AXIN1: variants seen among roughly 807,000 people sequenced by gnomAD.
AXIN1 encodes axin 1, also known as axin-1.
AXIN1 carries 30 observed loss-of-function variants against 76.4 expected under a neutral mutation model. The ratio of observed to expected loss-of-function variants is 0.39; its 90% CI spans 0.29 to 0.53. The LOEUF (loss-of-function observed/expected upper bound fraction) is 0.53. Among genes scored for constraint, AXIN1 ranks in the 20% least tolerant of loss-of-function variants. The pLI is 0.66. For synonymous variants in AXIN1, 545 were observed against 501.4 expected (o/e 1.09, Z -1.16); for missense variants, 1,140 against 1,198.8 (o/e 0.95, Z 0.72).
At chr16:320,736 TATATA>T (rs1468642570) in intron 2 of AXIN1, among the ~76,000 whole-genome samples, 5 of 87,960 alleles carry the variant, frequency 5.7e-5, no homozygotes, top group Admixed American at 9.6e-5. Context: ...TATATATATA[TATATA>T]TATTTTTTTT....
At chr16:322,417 G>A (rs908581143) in intron 2 of AXIN1, among the ~76,000 whole-genome samples, 2 of 152,336 alleles carry the variant, frequency 1.3e-5, no homozygotes, top group African/African-American at 4.8e-5. Flanking sequence ...CAGGTATGGG[G>A]ACAGATGTGC....
chr16:340,695 C>T (rs1299604575), intron 2 of AXIN1, among the ~76,000 whole-genome samples: 1 of 152,254 alleles, frequency 6.6e-6, no homozygotes, highest in Non-Finnish European at 1.5e-5. Context: ...AGTGTTCCCA[C>T]AGAGGCAGAG....
intron 2 of AXIN1, among the ~76,000 whole-genome samples, chr16:336,063 G>A (rs2053797342): frequency 6.6e-6 from 1 of 152,044 alleles, no homozygotes; most frequent in African/African-American, 2.4e-5. Context: ...GGTAAAACCT[G>A]GTCTCTGCTA....
intron 2 of AXIN1, among the ~76,000 whole-genome samples, chr16:330,249 G>T (rs1417995105): frequency 6.6e-6 from 1 of 151,712 alleles, no homozygotes; most frequent in East Asian, 1.9e-4. Flanking sequence ...TTTTTCTAGA[G>T]ATGGGGGTCT....
intron 5 of AXIN1, among the ~76,000 whole-genome samples, chr16:302,979 A>G (rs138482611): frequency 0.027 from 4,103 of 152,154 alleles, 156 homozygotes; most frequent in African/African-American, 0.09. Context: ...CTCCCACCTC[A>G]GCTTCCTGAA....
intron 2 of AXIN1, among the ~76,000 whole-genome samples, chr16:322,702 C>T (rs1456829514): frequency 6.6e-6 from 1 of 152,240 alleles, no homozygotes; most frequent in African/African-American, 2.4e-5. Context: ...GTGAATCCTA[C>T]ACACAGAATC....
intron 10 of AXIN1, 89 bp downstream of exon 10, chr16:289,351 C>G: frequency 1.3e-6 from 2 of 1,543,490 alleles, no homozygotes; most frequent in East Asian, 2.3e-5. Flanking sequence ...GGACGTGAGC[C>G]ACTGTGCCCG....
At position 310,063 on chromosome 16, in the gene AXIN1, C is replaced by T. The variant is rs2141574189; in HGVS notation, c.1026G>A (p.Gly342=). The T allele has an allele frequency of 2.5e-6, 4 of 1,610,208 alleles. No homozygotes were observed. The highest frequency in any genetic ancestry group is 3.4e-6 in the Non-Finnish European group (4 of 1,178,666). Residue 342 remains glycine, a synonymous_variant, in exon 4 of 11, where the codon GGG becomes GGA. Coordinates refer to ENST00000262320, the MANE Select transcript of AXIN1 (RefSeq NM_003502.4). ...GCTTACGGATCCTGTATGGGGGGAT[C>T]CCATCCCTGTCCAGGAGAAAGAGGC... ...TLSLTDSSVD[G]IPPYRIRKQH...
intron 5 of AXIN1, among the ~76,000 whole-genome samples, chr16:299,919 T>G (rs955253375): frequency 1.3e-5 from 2 of 152,164 alleles, no homozygotes; most frequent in East Asian, 3.8e-4. Context: ...CCTCCCAAAG[T>G]GCTGGGATTA....
chr16:307,325 A>T (rs1309110055), intron 4 of AXIN1, among the ~76,000 whole-genome samples: 2 of 152,242 alleles, frequency 1.3e-5, no homozygotes, highest in African/African-American at 2.4e-5. Context: ...AAACTGTCAG[A>T]GTCATCAGAT....
chr16:322,370 C>G lies in AXIN1; in HGVS notation c.879-7687G>C, dbSNP rs528342630. Among the ~76,000 whole-genome samples the G allele has an allele frequency of 3.9e-5, 6 of 152,342 alleles. No homozygotes were observed. In the South Asian group the frequency reaches 1.0e-3, roughly 26 times the overall value. On this transcript the variant is annotated intron_variant, in intron 2 of 10. Coordinates refer to ENST00000262320, the MANE Select transcript of AXIN1 (RefSeq NM_003502.4). ...GAGTATGTCTCCCCTCAACCCATCA[C>G]CCTGTACCTGCCCGCAGTGGAGTGT... is the stretch of plus-strand genomic sequence containing the variant.
Position 346,911 on chromosome 16 carries a change from G to C in AXIN1, c.115C>G (p.Pro39Ala), listed in dbSNP as rs140663702. ...CCGGAGCAGAAACTGTAGCTGGCGG[G>C]CCTCGGGTCTGTGGACACCAGTTCT... is the stretch of plus-strand genomic sequence containing the variant. ...EGELVSTDPR[P>A]ASYSFCSGKG... Residue 39 changes from proline (P) to alanine (A), a missense_variant, in exon 2 of 11, where the codon CCC becomes GCC. Pro to Ala is a conservative substitution (Grantham distance 27). This residue lies in a region of AXIN1 where 708 missense variants were observed against 776.9 expected (regional missense o/e 0.91). Coordinates refer to ENST00000262320, the MANE Select transcript of AXIN1 (RefSeq NM_003502.4). The C allele has an allele frequency of 1.2e-6, 2 of 1,613,862 alleles. No homozygotes were observed. The highest frequency in any genetic ancestry group is 2.7e-5 in the African/African-American group (2 of 74,940).
chr16:351,067 G>A (rs1182540797), intron 1 of AXIN1, among the ~76,000 whole-genome samples: 3 of 151,964 alleles, frequency 2.0e-5, no homozygotes, highest in African/African-American at 7.3e-5. Context: ...GGGAGGCGGA[G>A]GATGCGGTGA....
chr16:339,617 G>A (rs1208142270), intron 2 of AXIN1, among the ~76,000 whole-genome samples: 1 of 152,010 alleles, frequency 6.6e-6, no homozygotes, highest in African/African-American at 2.4e-5. Context: ...GGGAGGCGGA[G>A]GCTGCAGTAA....
intron 2 of AXIN1, among the ~76,000 whole-genome samples, chr16:339,763 G>A (rs2053879046): frequency 6.6e-6 from 1 of 151,846 alleles, no homozygotes; most frequent in Non-Finnish European, 1.5e-5. Flanking sequence ...CCACACCCAG[G>A]CAAGGGGAGC....
intron 3 of AXIN1, among the ~76,000 whole-genome samples, chr16:313,238 G>A (rs1374209125): frequency 1.3e-5 from 2 of 152,252 alleles, no homozygotes; most frequent in South Asian, 2.1e-4. Context: ...GGAGACAGAA[G>A]CTACAGTAAG....
At chr16:304,493 C>T (rs62032882) in intron 4 of AXIN1, 52 bp from the exon 5 acceptor site, 239,654 of 1,610,412 alleles carry the variant, frequency 0.15, 18,997 homozygotes, top group South Asian at 0.22. Context: ...ACAGGCTAAA[C>T]ATTTCTTTGT....
chr16:323,043 C>T (rs1262661531), intron 2 of AXIN1, among the ~76,000 whole-genome samples: 3 of 152,168 alleles, frequency 2.0e-5, no homozygotes, highest in Middle Eastern at 3.2e-3. Flanking sequence ...AATCCCAGCA[C>T]TTGGGAGACT....
intron 2 of AXIN1, among the ~76,000 whole-genome samples, chr16:318,059 T>G (rs1231361878): frequency 2.6e-5 from 4 of 152,212 alleles, no homozygotes; most frequent in African/African-American, 9.6e-5. Context: ...GGCGCGTCTG[T>G]AGCCCACGGC....
Sources: gnomAD v4.1 joint callset for allele counts (sites outside exome capture counted in the v4.1 genomes callset) on GRCh38, gnomAD v4.1.1 for gene constraint, gnomAD v4.1.1 regional missense constraint, MANE v1.5 for transcripts, NCBI Gene and HGNC (gene_info 2026-07-23, HGNC 2026-07-21) for gene names.